RHEB: variants seen among roughly 807,000 people sequenced by gnomAD.
RHEB encodes GTP-binding protein Rheb.
Under a neutral mutation model 28.8 loss-of-function variants are expected in RHEB, and 2 were observed. The ratio of observed to expected loss-of-function variants is 0.07; its 90% confidence interval spans 0.03 to 0.22. RHEB has a LOEUF of 0.22. RHEB is among the 10% of genes least tolerant of loss of function. The probability of loss-of-function intolerance (pLI) is 1.00; values close to 1 mark genes in which losing one functional copy is unlikely to be tolerated. For synonymous variants in RHEB, 69 were observed against 77.3 expected (o/e 0.89, Z 0.56); for missense variants, 76 against 219.9 (o/e 0.35, Z 4.14).
intron 2 of RHEB, among the ~76,000 whole-genome samples, chr7:151,490,175 T>C (rs916092114): frequency 1.3e-5 from 2 of 152,182 alleles, no homozygotes; most frequent in East Asian, 3.8e-4. Context: ...CAGTGTTGTA[T>C]GCCTGTAGTT....
At chr7:151,512,209 C>A (rs1249303851) in intron 1 of RHEB, among the ~76,000 whole-genome samples, 1 of 152,178 alleles carries the variant, frequency 6.6e-6, no homozygotes. Context: ...TAAGAACAAT[C>A]CAGCCATGGA....
In RHEB at chr7:151,497,842, C is replaced by A. The variant is rs146138866; in HGVS notation, c.53-6828G>T. On this transcript the variant is annotated intron_variant, in intron 1 of 7. Coordinates refer to ENST00000262187, the MANE Select transcript of RHEB (RefSeq NM_005614.4). Reference sequence around the variant, plus strand: ...CTGGTCTCCTCTGAACCTTCCTCCTCCTGAATTAGTTATAAACACATTTTT... The same window carrying A: ...CTGGTCTCCTCTGAACCTTCCTCCTACTGAATTAGTTATAAACACATTTTT... Among the ~76,000 whole-genome samples, 491 of 152,340 alleles carry A rather than the reference C, an allele frequency of 3.2e-3. 2 individuals carry two copies. Among genetic ancestry groups the A allele is most frequent in the African/African-American group, 0.011 (455 of 41,568 alleles).
At chr7:151,493,509 A>C (rs1802621961) in intron 1 of RHEB, among the ~76,000 whole-genome samples, 1 of 152,264 alleles carries the variant, frequency 6.6e-6, no homozygotes, top group South Asian at 2.1e-4. Context: ...GCACAGGGCC[A>C]GCCGACACAT....
intron 1 of RHEB, among the ~76,000 whole-genome samples, chr7:151,494,911 T>C (rs1802647958): frequency 6.6e-6 from 1 of 152,258 alleles, no homozygotes. Context: ...CAGCATTAAA[T>C]GCTAATGAAT....
intron 1 of RHEB, chr7:151,503,551 C>T (rs1464669151): frequency 5.1e-6 from 3 of 590,272 alleles, no homozygotes; most frequent in Non-Finnish European, 9.1e-6. Context: ...CCCTGCCTTA[C>T]AACTGAAACA....
At chr7:151,491,450 A>G (rs1370183809) in intron 1 of RHEB, among the ~76,000 whole-genome samples, 2 of 152,218 alleles carry the variant, frequency 1.3e-5, no homozygotes, top group Non-Finnish European at 2.9e-5. Flanking sequence ...AAAAAGAGTA[A>G]TCCGGCCAGG....
At chr7:151,488,040 T>C (rs1389395515) in intron 2 of RHEB, among the ~76,000 whole-genome samples, 1 of 152,230 alleles carries the variant, frequency 6.6e-6, no homozygotes, top group Non-Finnish European at 1.5e-5. Flanking sequence ...CCCAACTTTC[T>C]GGAAGGCGCT....
intron 1 of RHEB, among the ~76,000 whole-genome samples, chr7:151,501,493 C>T (rs1010916625): frequency 3.9e-5 from 6 of 152,168 alleles, no homozygotes; most frequent in African/African-American, 1.4e-4. Flanking sequence ...TCACCCATTG[C>T]CTGTGGGAAT....
intron 1 of RHEB, among the ~76,000 whole-genome samples, chr7:151,491,959 AC>A (rs1802590306): frequency 6.6e-6 from 1 of 152,178 alleles, no homozygotes; most frequent in Admixed American, 6.5e-5. Context: ...TAAAATGTCT[AC>A]TGGAGGACTT....
At chr7:151,503,094 A>G in intron 1 of RHEB, 1 of 803,802 alleles carries the variant, frequency 1.2e-6, no homozygotes, top group South Asian at 1.3e-5. Flanking sequence ...AAGACTTTGG[A>G]AAAGGGAGCT....
intron 1 of RHEB, among the ~76,000 whole-genome samples, chr7:151,494,346 G>T (rs1305195344): frequency 6.6e-6 from 1 of 152,168 alleles, no homozygotes; most frequent in Non-Finnish European, 1.5e-5. Flanking sequence ...AAGGGACGGG[G>T]GAAAAGAGCC....
intron 1 of RHEB, among the ~76,000 whole-genome samples, chr7:151,504,947 T>A (rs527519789): frequency 1.8e-4 from 27 of 151,796 alleles, no homozygotes; most frequent in East Asian, 7.7e-4. Context: ...TCAAGTTTTT[T>A]AAAAAATCTT....
chr7:151,516,303 CAAAAAAAAA>C (rs1447747290), intron 1 of RHEB, among the ~76,000 whole-genome samples: 1 of 149,544 alleles, frequency 6.7e-6, no homozygotes, highest in Non-Finnish European at 1.5e-5. Flanking sequence ...TGACAACACT[CAAAAAAAAA>C]GAAAAAAAGA....
intron 1 of RHEB, chr7:151,498,211 T>G (rs555900718): frequency 1.7e-6 from 2 of 1,186,590 alleles, no homozygotes; most frequent in South Asian, 1.3e-5. Flanking sequence ...AAATAGAGTT[T>G]AAAGTACTGG....
chr7:151,503,370 T>G (rs1413544081), intron 1 of RHEB: 1 of 955,556 alleles, frequency 1.0e-6, no homozygotes, highest in Non-Finnish European at 1.7e-6. Context: ...TGAAAGGATT[T>G]GGTGGAATTG....
intron 7 of RHEB, 92 bp downstream of exon 7, chr7:151,470,479 G>T: frequency 2.5e-6 from 2 of 804,126 alleles, no homozygotes; most frequent in Non-Finnish European, 4.2e-6. Context: ...ACACAGGAGT[G>T]ATCAAGACAG....
intron 1 of RHEB, among the ~76,000 whole-genome samples, chr7:151,515,391 A>G (rs1414156654): frequency 6.6e-6 from 1 of 152,206 alleles, no homozygotes; most frequent in Non-Finnish European, 1.5e-5. Flanking sequence ...TTTTGGGGTG[A>G]TGAAGTACAG....
chr7:151,493,783 T>A (rs981789352), intron 1 of RHEB, among the ~76,000 whole-genome samples: 4 of 152,218 alleles, frequency 2.6e-5, no homozygotes, highest in Admixed American at 2.6e-4. Flanking sequence ...TTATATATGC[T>A]AGCCTGTAAA....
At chr7:151,495,943 C>T (rs1449291920) in intron 1 of RHEB, among the ~76,000 whole-genome samples, 2 of 152,190 alleles carry the variant, frequency 1.3e-5, no homozygotes, top group East Asian at 3.8e-4. Context: ...GTCCCCCCTC[C>T]CACCGACTCC....
Sources: gnomAD v4.1 joint callset for allele counts (sites outside exome capture counted in the v4.1 genomes callset) on GRCh38, gnomAD v4.1.1 for gene constraint, MANE v1.5 for transcripts, NCBI Gene and HGNC (gene_info 2026-07-23, HGNC 2026-07-21) for gene names.